PEX11A: variants seen among roughly 807,000 people sequenced by gnomAD.
PEX11A encodes peroxisomal membrane protein 11A.
In PEX11A, 13 loss-of-function variants were observed where a neutral mutation model predicts 14.4. The ratio of observed to expected loss-of-function variants is 0.90; its 90% CI spans 0.59 to 1.43. The LOEUF is 1.43. Ranked by LOEUF, PEX11A falls within the 40% of genes most tolerant of loss-of-function variation. The probability of loss-of-function intolerance (pLI) is 0.00; values close to 1 mark genes in which losing one functional copy is unlikely to be tolerated. For missense variants in PEX11A, 290 were observed against 302.8 expected (o/e 0.96, Z 0.31); for synonymous variants, 101 against 113.0 (o/e 0.89, Z 0.67).
chr15:89,683,742 A>T lies in PEX11A; in HGVS notation c.379T>A (p.Tyr127Asn). 1 of 1,614,044 alleles carries T rather than the reference A, an allele frequency of 6.2e-7. No individual in the cohort carries two copies. The highest frequency in any genetic ancestry group is 8.5e-7 in the Non-Finnish European group (1 of 1,179,920). The change falls in exon 3 of 3, where the codon TAC becomes AAC. Residue 127 changes from tyrosine (Y) to asparagine (N), a missense_variant. Physicochemically the swap from Tyr to Asn is moderately radical, Grantham distance 143. Transcript: ENST00000300056. Reference sequence around the variant, plus strand: ...AGGCTCAGCAGAAGAGAATAGTAGTAGTGGTGAGCAGCCCTCGTTCGCCAT... The same window carrying T: ...AGGCTCAGCAGAAGAGAATAGTAGTTGTGGTGAGCAGCCCTCGTTCGCCAT... ...EKWRTRAAHHYYYSLLLSLVR... is the reference protein window; with the variant it reads ...EKWRTRAAHHNYYSLLLSLVR...
chr15:89,689,809 G>T (rs1284173946), intron 1 of PEX11A, among the ~76,000 whole-genome samples: 5 of 152,150 alleles, frequency 3.3e-5, no homozygotes, highest in African/African-American at 9.7e-5. Context: ...TAATGGAAGA[G>T]AACTTCTGTC....
rs748480778 is a variant in PEX11A, at chr15:89,683,352, T to C, written c.*25A>G. On this transcript the variant is annotated 3_prime_UTR_variant, in exon 3 of 3. Coordinates refer to ENST00000300056, the MANE Select transcript of PEX11A (RefSeq NM_003847.3). ...CCAAGAGGCCATCTTTTAAAGTAGGTACTAGTTCCAAGCCTAAAAACACCC... is the reference window on the plus strand; with the variant it reads ...CCAAGAGGCCATCTTTTAAAGTAGGCACTAGTTCCAAGCCTAAAAACACCC... 2 of 1,497,658 alleles carry C rather than the reference T, an allele frequency of 1.3e-6. No homozygotes were observed. The highest frequency in any genetic ancestry group is 1.2e-5 in the South Asian group (1 of 83,958). The allele number at this position is 1,497,658 out of a possible 1,614,324, so 92.8% of individuals were successfully genotyped here.
chr15:89,685,325 C>T (rs538113624), intron 2 of PEX11A, among the ~76,000 whole-genome samples: 13 of 151,832 alleles, frequency 8.6e-5, no homozygotes, highest in African/African-American at 2.9e-4. Context: ...CAGTTCTGGC[C>T]CTTGCACTAA....
chr15:89,689,120 C>T (rs1207046712), intron 1 of PEX11A, among the ~76,000 whole-genome samples: 2 of 152,258 alleles, frequency 1.3e-5, no homozygotes, highest in Admixed American at 6.5e-5. Context: ...TTTAATGAAG[C>T]TTGTATATAA....
At chr15:89,685,200 T>C (rs1446097131) in intron 2 of PEX11A, among the ~76,000 whole-genome samples, 1 of 71,820 alleles carries the variant, frequency 1.4e-5, no homozygotes, top group East Asian at 3.8e-4. Context: ...TGAGACTCCA[T>C]CTCAAAAAAA....
Position 89,690,705 on chromosome 15 carries a change from G to C in PEX11A, c.-73C>G. ...CCTCTGGGGCCCGTCGGATCCCCAG[G>C]GAACGGTCAGTCCCAGGTTATCCGC... On this transcript the variant is annotated 5_prime_UTR_variant, in exon 1 of 3. Coordinates refer to ENST00000300056, the MANE Select transcript of PEX11A (RefSeq NM_003847.3). The C allele has an allele frequency of 9.1e-7, 1 of 1,101,288 alleles. No homozygotes were observed. Among genetic ancestry groups the C allele is most frequent in the Non-Finnish European group, 1.3e-6 (1 of 743,798 alleles). The allele number at this position is 1,101,288 out of a possible 1,614,324, so 68.2% of individuals were successfully genotyped here.
chr15:89,687,863 T>C (rs1964699650), intron 1 of PEX11A: 1 of 407,756 alleles, frequency 2.5e-6, no homozygotes, highest in South Asian at 2.0e-5. Flanking sequence ...ACATTACTTT[T>C]ATTTATTTAT....
rs1407618190 is a variant in PEX11A at position 89,690,593 on chromosome 15, G to A, written c.40C>T (p.Arg14Trp). 2.6e-6 allele frequency: 4 copies of A among 1,551,410 alleles called. No homozygotes were observed. Among genetic ancestry groups the A allele is most frequent in the Non-Finnish European group, 3.5e-6 (4 of 1,146,880 alleles). ...FTRFTNQTQGRDRLFRATQYT... is the reference protein window; with the variant it reads ...FTRFTNQTQGWDRLFRATQYT... ...CTGACTCACCTGAAGAGTCGGTCCC[G>A]GCCCTGGGTCTGGTTGGTGAAGCGG... The change falls in exon 1 of 3, where the codon CGG becomes TGG. Residue 14 changes from arginine (R) to tryptophan (W), a missense_variant. Coordinates refer to ENST00000300056, the MANE Select transcript of PEX11A (RefSeq NM_003847.3).
In PEX11A at chr15:89,682,248, A is replaced by C. The variant is rs926011178; in HGVS notation, c.*1129T>G. On this transcript the variant is annotated 3_prime_UTR_variant, in exon 3 of 3. Coordinates refer to ENST00000300056, the MANE Select transcript of PEX11A (RefSeq NM_003847.3). ...CCGGGCTGGAGTGCGGTGGAAGCTC[A>C]CTGCAGCCTTGAACTCCTGGGCTCA... 1.3e-5 allele frequency: 2 copies of C among 152,192 alleles called. No individual in the cohort carries two copies. Among genetic ancestry groups the C allele is most frequent in the Non-Finnish European group, 2.9e-5 (2 of 68,084 alleles). The allele number at this position is 152,192 out of a possible 1,614,324, so 9.4% of individuals were successfully genotyped here. A position where few individuals can be genotyped will look rare whatever the true frequency, so the allele number is the denominator to read the frequency against.
At position 89,683,914 on chromosome 15, in the gene PEX11A, C is replaced by T. The variant is rs367737037; in HGVS notation, c.207G>A (p.Gln69=). The part of the protein sequence containing the change: ...FRLGNVVHAI[Q]ATEQSIHATD... ...TGGCATGAATGCTCTGCTCAGTTGC[C>T]TGTATAGCATGTACCACATTGCCTA... Residue 69 remains glutamine, a synonymous_variant, in exon 3 of 3, where the codon CAG becomes CAA. Coordinates refer to ENST00000300056, the MANE Select transcript of PEX11A (RefSeq NM_003847.3). 1.1e-5 allele frequency: 17 copies of T among 1,613,756 alleles called. No homozygotes were observed. In the African/African-American group the frequency reaches 2.1e-4, roughly 20 times the overall value.
chr15:89,686,655 C>T (rs1484074748), intron 1 of PEX11A, 109 bp from the exon 2 acceptor site: 3 of 614,484 alleles, frequency 4.9e-6, no homozygotes, highest in Non-Finnish European at 8.6e-6. Context: ...ATTTCCAAGA[C>T]CATTTCTCAT....
At chr15:89,686,155 C>T (rs1484487592) in intron 2 of PEX11A, among the ~76,000 whole-genome samples, 2 of 152,154 alleles carry the variant, frequency 1.3e-5, no homozygotes, top group African/African-American at 4.8e-5. Flanking sequence ...ATTCTAAGAA[C>T]TAAAGGTGAA....
intron 2 of PEX11A, among the ~76,000 whole-genome samples, chr15:89,685,076 T>C (rs1163693136): frequency 6.6e-6 from 1 of 151,858 alleles, no homozygotes; most frequent in Non-Finnish European, 1.5e-5. Context: ...TATTGGCGCA[T>C]GCCTGTAGTC....
chr15:89,686,566 A>T lies in PEX11A; in HGVS notation c.57-20T>A, dbSNP rs1210024194. 1.9e-6 allele frequency: 2 copies of T among 1,032,662 alleles called. No individual in the cohort carries two copies. Among genetic ancestry groups the T allele is most frequent in the African/African-American group, 1.6e-5 (1 of 62,456 alleles). The allele number at this position is 1,032,662 out of a possible 1,614,324, so 64.0% of individuals were successfully genotyped here. A position where few individuals can be genotyped will look rare whatever the true frequency, so the allele number is the denominator to read the frequency against. Reference sequence around the variant, plus strand: ...GTGGCTCTGAAATGGAAAAAAAAAAATTGAGAAGAATGATTTACAAACCAA... The same window carrying T: ...GTGGCTCTGAAATGGAAAAAAAAAATTTGAGAAGAATGATTTACAAACCAA... On this transcript the variant is annotated intron_variant, in intron 1 of 2. Transcript: ENST00000300056.
intron 1 of PEX11A, 93 bp downstream of exon 1, chr15:89,690,484 G>C (rs554836073): frequency 2.2e-6 from 2 of 890,122 alleles, no homozygotes; most frequent in South Asian, 3.1e-5. Context: ...CCATCTACTA[G>C]GCTATCACCT....
rs961375359 is a variant in PEX11A, at chr15:89,683,205, G to T, written c.*172C>A. ...ACTCCAAAAACATACAACTCTTCATGCTCCTCCCTTCTCCGTTCTTGGCCT... is the reference window on the plus strand; with the variant it reads ...ACTCCAAAAACATACAACTCTTCATTCTCCTCCCTTCTCCGTTCTTGGCCT... On this transcript the variant is annotated 3_prime_UTR_variant, in exon 3 of 3. Transcript: ENST00000300056. The T allele has an allele frequency of 8.0e-6, 5 of 623,126 alleles. No individual in the cohort carries two copies. Among genetic ancestry groups the T allele is most frequent in the African/African-American group, 5.5e-5 (3 of 54,970 alleles). 38.6% of individuals were successfully genotyped at this position (623,126 alleles called of 1,614,324 possible).
intron 2 of PEX11A, among the ~76,000 whole-genome samples, chr15:89,684,489 C>T (rs753066617): frequency 1.3e-5 from 2 of 152,228 alleles, no homozygotes; most frequent in Admixed American, 1.3e-4. Context: ...ATGCAATACT[C>T]TCTTGGAGAG....
intron 2 of PEX11A, 131 bp from the exon 3 acceptor site, chr15:89,684,079 C>T (rs760403461): frequency 3.7e-5 from 24 of 642,062 alleles, no homozygotes; most frequent in Non-Finnish European, 5.9e-5. Flanking sequence ...TCTGTCACAC[C>T]GGCTGGAGTG....
intron 2 of PEX11A, among the ~76,000 whole-genome samples, chr15:89,685,366 T>A (rs1433813744): frequency 6.6e-6 from 1 of 152,116 alleles, no homozygotes; most frequent in Non-Finnish European, 1.5e-5. Flanking sequence ...AAGCCCCTTC[T>A]GGACTTACAG....
Sources: gnomAD v4.1 joint callset for allele counts (sites outside exome capture counted in the v4.1 genomes callset) on GRCh38, gnomAD v4.1.1 for gene constraint, MANE v1.5 for transcripts, NCBI Gene and HGNC (gene_info 2026-07-23, HGNC 2026-07-21) for gene names.